FSIP1: variants seen among roughly 807,000 people sequenced by gnomAD.
The protein encoded by FSIP1 is fibrous sheath interacting protein 1, also known as fibrous sheath-interacting protein 1.
In FSIP1, 65 loss-of-function variants were observed where a neutral mutation model predicts 60.9. The observed-to-expected ratio is 1.07, with a 90% CI of 0.87 to 1.31. The LOEUF (loss-of-function observed/expected upper bound fraction) is 1.31, where lower values mean the gene tolerates loss of function less well. FSIP1 is among the 40% of genes most tolerant of loss of function. FSIP1 has a pLI of 0.00. For missense variants in FSIP1, 675 were observed against 665.5 expected, an observed-to-expected ratio of 1.01 and a Z score of -0.16; for synonymous variants, 209 against 221.2, an observed-to-expected ratio of 0.94 and a Z score of 0.49.
intron 9 of FSIP1, among the ~76,000 whole-genome samples, chr15:39,722,370 A>C (rs569230883): frequency 5.9e-5 from 9 of 152,102 alleles, no homozygotes; most frequent in Non-Finnish European, 1.2e-4. Flanking sequence ...TACACAATAA[A>C]TGTAACATGT....
intron 11 of FSIP1, among the ~76,000 whole-genome samples, chr15:39,611,932 A>C (rs1181480090): frequency 6.6e-6 from 1 of 152,234 alleles, no homozygotes; most frequent in Non-Finnish European, 1.5e-5. Flanking sequence ...GAAGGTCATT[A>C]TATAATGATA....
At chr15:39,772,615 G>T (rs1476370682) in intron 2 of FSIP1, among the ~76,000 whole-genome samples, 3 of 137,342 alleles carry the variant, frequency 2.2e-5, no homozygotes, top group Non-Finnish European at 4.7e-5. Flanking sequence ...TTTTGAGGTG[G>T]TGTCTCACTC....
At chr15:39,780,249 C>T (rs181035547) in intron 1 of FSIP1, among the ~76,000 whole-genome samples, 4 of 152,172 alleles carry the variant, frequency 2.6e-5, no homozygotes, top group East Asian at 1.9e-4. Flanking sequence ...TTTGGCCAGG[C>T]GCGGTGGCTC....
chr15:39,694,716 C>G (rs778154129), intron 10 of FSIP1, among the ~76,000 whole-genome samples: 1 of 151,902 alleles, frequency 6.6e-6, no homozygotes, highest in Non-Finnish European at 1.5e-5. Context: ...AGGAAAATCG[C>G]TTAAACCTGG....
chr15:39,619,003 T>C (rs10520137), intron 10 of FSIP1, among the ~76,000 whole-genome samples: 22,047 of 152,100 alleles, frequency 0.14, 1,789 homozygotes, highest in East Asian at 0.32. Context: ...ATGTGGATTA[T>C]CTAGGAAAAG....
intron 1 of FSIP1, among the ~76,000 whole-genome samples, chr15:39,779,665 G>T (rs892771299): frequency 6.6e-6 from 1 of 152,132 alleles, no homozygotes; most frequent in South Asian, 2.1e-4. Flanking sequence ...TTTACTTCAT[G>T]ATACTTGATT....
intron 8 of FSIP1, among the ~76,000 whole-genome samples, chr15:39,732,838 A>G (rs1180634191): frequency 1.3e-5 from 2 of 152,198 alleles, no homozygotes; most frequent in African/African-American, 2.4e-5. Flanking sequence ...GAATTTGAGG[A>G]ACAGCAAGAA....
intron 9 of FSIP1, among the ~76,000 whole-genome samples, chr15:39,718,833 T>C (rs1449456625): frequency 6.6e-6 from 1 of 152,226 alleles, no homozygotes; most frequent in African/African-American, 2.4e-5. Context: ...ATTTTTGTCC[T>C]GCTCTGACAA....
rs1894153598 is a variant in FSIP1, at chr15:39,681,330, G to A, written c.1188+32114C>T. Among the ~76,000 whole-genome samples, 5 of 151,958 alleles carry A rather than the reference G, an allele frequency of 3.3e-5. No homozygotes were observed. The South Asian group carries it at 1.0e-3, about 32-fold the overall frequency. On this transcript the variant is annotated intron_variant, in intron 10 of 11. Coordinates refer to ENST00000350221, the MANE Select transcript of FSIP1 (RefSeq NM_152597.5). ...TTTTTTTCAGCAGGAGGAGATTATAGAGGACCTTTATTTTCTACATTATAT... is the reference window on the plus strand; with the variant it reads ...TTTTTTTCAGCAGGAGGAGATTATAAAGGACCTTTATTTTCTACATTATAT...
intron 10 of FSIP1, among the ~76,000 whole-genome samples, chr15:39,626,501 C>G (rs1314278745): frequency 6.6e-6 from 1 of 152,166 alleles, no homozygotes; most frequent in Non-Finnish European, 1.5e-5. Context: ...TGGTTTGGCT[C>G]TGTGTCCCCA....
In FSIP1 at chr15:39,600,104, G is replaced by A. The variant is rs1890585520; in HGVS notation, c.*776C>T. On this transcript the variant is annotated 3_prime_UTR_variant, in exon 12 of 12. Transcript: ENST00000350221. ...TCATTTTTTGATTCAGAAATAAACTGGACTTCCAATTCTAATGCCAACTCA... is the reference window on the plus strand; with the variant it reads ...TCATTTTTTGATTCAGAAATAAACTAGACTTCCAATTCTAATGCCAACTCA... 1 of 152,104 alleles carries A rather than the reference G, an allele frequency of 6.6e-6. No homozygotes were observed. Among genetic ancestry groups the A allele is most frequent in the Admixed American group, 6.6e-5 (1 of 15,248 alleles). 9.4% of individuals were successfully genotyped at this position (152,104 alleles called of 1,614,324 possible). A position where few individuals can be genotyped will look rare whatever the true frequency, so the allele number is the denominator to read the frequency against.
At chr15:39,780,282 G>C (rs1013204428) in intron 1 of FSIP1, among the ~76,000 whole-genome samples, 3 of 152,172 alleles carry the variant, frequency 2.0e-5, no homozygotes, top group Non-Finnish European at 4.4e-5. Context: ...CCAGCACTTT[G>C]GGAGGCCGAG....
chr15:39,629,627 C>T (rs1183099140), intron 10 of FSIP1, among the ~76,000 whole-genome samples: 1 of 152,206 alleles, frequency 6.6e-6, no homozygotes, highest in Non-Finnish European at 1.5e-5. Flanking sequence ...TTCCTGTTGC[C>T]CTCACATCAA....
At chr15:39,626,728 A>C (rs550501528) in intron 10 of FSIP1, among the ~76,000 whole-genome samples, 38 of 152,212 alleles carry the variant, frequency 2.5e-4, no homozygotes, top group Admixed American at 2.5e-3. Flanking sequence ...CATGATCCTA[A>C]GTTTCCTAAG....
chr15:39,714,972 C>CAAAAAAAA (rs34491210), intron 9 of FSIP1, among the ~76,000 whole-genome samples: 2 of 89,556 alleles, frequency 2.2e-5, no homozygotes. Flanking sequence ...GACTCTGTCT[C>CAAAAAAAA]AAAAAAAAAA....
rs1315293858 is a variant in FSIP1, at chr15:39,739,703, C to A, written c.742G>T (p.Gly248Cys). Residue 248 changes from glycine to cysteine, a missense_variant, in exon 7 of 12, where the codon GGT becomes TGT. By Grantham distance (159) the Gly-to-Cys change is radical (BLOSUM62 -3). Transcript: ENST00000350221. ...FSNTEKIELR[G>C]KHNQDFIKRN... is the part of the protein sequence containing the mutation. ...TTAATAAAATCCTGGTTGTGTTTAC[C>A]CCTGAGCTCAATCTTTTCTGTATTC... is the stretch of plus-strand genomic sequence containing the variant. 3.7e-6 allele frequency: 6 copies of A among 1,600,706 alleles called. No homozygotes were observed. The highest frequency in any genetic ancestry group is 4.2e-6 in the Non-Finnish European group (5 of 1,176,956).
At chr15:39,777,529 G>C (rs529788155) in intron 1 of FSIP1, among the ~76,000 whole-genome samples, 4 of 152,146 alleles carry the variant, frequency 2.6e-5, no homozygotes, top group African/African-American at 9.7e-5. Flanking sequence ...TCTATAACTA[G>C]TGCTATTTCC....
chr15:39,634,572 T>G (rs1432137650), intron 10 of FSIP1, among the ~76,000 whole-genome samples: 2 of 152,246 alleles, frequency 1.3e-5, no homozygotes, highest in East Asian at 3.8e-4. Context: ...AATGTAACTT[T>G]CTACTTTGAT....
At chr15:39,654,193 T>C (rs913167275) in intron 10 of FSIP1, among the ~76,000 whole-genome samples, 11 of 152,248 alleles carry the variant, frequency 7.2e-5, no homozygotes, top group Non-Finnish European at 1.3e-4. Flanking sequence ...AAAATAATGA[T>C]TAAAAGTATA....
Sources: allele counts gnomAD v4.1 joint callset (sites outside exome capture counted in the v4.1 genomes callset), GRCh38; gene constraint gnomAD v4.1.1; transcripts MANE v1.5; gene names NCBI Gene and HGNC (gene_info 2026-07-23, HGNC 2026-07-21).